PRKCB: variants seen among roughly 807,000 people sequenced by gnomAD.
PRKCB encodes the protein protein kinase C beta.
Under a neutral mutation model 81.5 loss-of-function variants are expected in PRKCB, and 13 were observed. That is an observed-to-expected ratio of 0.16 (90% CI 0.10 to 0.25). PRKCB has a LOEUF of 0.25. Among genes scored for constraint, PRKCB ranks in the 10% least tolerant of loss-of-function variants. The probability of loss-of-function intolerance (pLI) is 1.00; values close to 1 mark genes in which losing one functional copy is unlikely to be tolerated. For synonymous variants in PRKCB, 335 were observed against 321.4 expected (o/e 1.04, Z -0.45); for missense variants, 509 against 875.7 (o/e 0.58, Z 5.29).
rs114385218 is a variant in PRKCB, at chr16:23,955,718, G to A, written c.206-32790G>A. ...CCACCATGGGCGAGACCTTGGATGT[G>A]TCCTTTACCTCTCTCTTTGTCACTT... On this transcript the variant is annotated intron_variant, in intron 2 of 16. Coordinates refer to ENST00000643927, the MANE Select transcript of PRKCB (RefSeq NM_002738.7). Among the ~76,000 whole-genome samples the A allele has an allele frequency of 4.9e-3, 744 of 152,278 alleles. 12 individuals carry two copies. The highest frequency in any genetic ancestry group is 0.017 in the African/African-American group (687 of 41,560).
rs767317369 is a variant in PRKCB at position 24,185,598 on chromosome 16, A to G, written c.1722+31A>G. On this transcript the variant is annotated intron_variant, in intron 15 of 16. Transcript: ENST00000643927. Reference sequence around the variant, plus strand: ...TGCATCTCTTAAAGCTGTGACCAGGACCACCACATAAAGGCATGTGGGCTG... The same window carrying G: ...TGCATCTCTTAAAGCTGTGACCAGGGCCACCACATAAAGGCATGTGGGCTG... 1.9e-6 allele frequency: 3 copies of G among 1,571,728 alleles called. No individual in the cohort carries two copies. In the South Asian group the frequency reaches 3.3e-5, roughly 17 times the overall value.
chr16:24,093,825 T>G (rs141309921), intron 6 of PRKCB, among the ~76,000 whole-genome samples: 1 of 152,208 alleles, frequency 6.6e-6, no homozygotes, highest in Non-Finnish European at 1.5e-5. Flanking sequence ...GATATACACA[T>G]GTACACACCC....
chr16:23,945,143 G>T (rs994412682), intron 2 of PRKCB, among the ~76,000 whole-genome samples: 1 of 152,128 alleles, frequency 6.6e-6, no homozygotes, highest in African/African-American at 2.4e-5. Flanking sequence ...ACGGGACAGT[G>T]GTTCTTTCAT....
rs565153762 is a variant in PRKCB, at chr16:24,062,105, G to T, written c.529+26558G>T. On this transcript the variant is annotated intron_variant, in intron 5 of 16. Coordinates refer to ENST00000643927, the MANE Select transcript of PRKCB (RefSeq NM_002738.7). Reference sequence around the variant, plus strand: ...CGTTTCCAGTATCTCATTACTAATTGTATCAGTAAGCATTTGCTGTGTAAC... The same window carrying T: ...CGTTTCCAGTATCTCATTACTAATTTTATCAGTAAGCATTTGCTGTGTAAC... 3.9e-5 allele frequency among the ~76,000 whole-genome samples: 6 copies of T among 152,288 alleles called. No individual in the cohort carries two copies. In the South Asian group the frequency reaches 6.2e-4, roughly 16 times the overall value.
intron 5 of PRKCB, among the ~76,000 whole-genome samples, chr16:24,052,874 C>G (rs1378948096): frequency 2.0e-5 from 3 of 152,178 alleles, no homozygotes; most frequent in Non-Finnish European, 4.4e-5. Context: ...CCCTTAACCT[C>G]CTGAGAATGC....
At chr16:24,195,893 C>T (rs1967870429) in intron 16 of PRKCB, among the ~76,000 whole-genome samples, 1 of 152,196 alleles carries the variant, frequency 6.6e-6, no homozygotes, top group African/African-American at 2.4e-5. Context: ...ACATGCAGTG[C>T]CTTGTTTTCC....
intron 2 of PRKCB, among the ~76,000 whole-genome samples, chr16:23,872,611 C>G (rs747816581): frequency 2.6e-5 from 4 of 152,160 alleles, no homozygotes; most frequent in Non-Finnish European, 5.9e-5. Flanking sequence ...CTGCCACTTC[C>G]TAGTTGGGTC....
intron 5 of PRKCB, among the ~76,000 whole-genome samples, chr16:24,052,622 T>C (rs1256525489): frequency 6.6e-6 from 1 of 152,160 alleles, no homozygotes; most frequent in African/African-American, 2.4e-5. Context: ...CCATGTAGGG[T>C]AACTTCCTGA....
At chr16:24,103,114 C>G (rs1966529666) in intron 7 of PRKCB, among the ~76,000 whole-genome samples, 1 of 152,200 alleles carries the variant, frequency 6.6e-6, no homozygotes, top group Admixed American at 6.5e-5. Context: ...CTCAGGTCAT[C>G]CTCTCACTTC....
At position 24,218,042 on chromosome 16, in the gene PRKCB, A is replaced by C; in HGVS notation, c.*3226A>C. 1.0e-6 allele frequency: 1 copy of C among 985,390 alleles called. No homozygotes were observed. Among genetic ancestry groups the C allele is most frequent in the Non-Finnish European group, 1.2e-6 (1 of 829,890 alleles). The allele number at this position is 985,390 out of a possible 1,614,324, so 61.0% of individuals were successfully genotyped here. On this transcript the variant is annotated 3_prime_UTR_variant, in exon 17 of 17. Transcript: ENST00000643927. ...GTCTTCCTTCATTCCACAAATAATTACAAACAACCTACTGTGTGCCAGGCA... is the reference window on the plus strand; with the variant it reads ...GTCTTCCTTCATTCCACAAATAATTCCAAACAACCTACTGTGTGCCAGGCA...
Position 24,218,972 on chromosome 16 carries a change from G to T in PRKCB, c.*4156G>T, listed in dbSNP as rs1259804536. 2.0e-6 allele frequency: 2 copies of T among 985,268 alleles called. No individual in the cohort carries two copies. The highest frequency in any genetic ancestry group is 2.4e-6 in the Non-Finnish European group (2 of 829,984). 61.0% of individuals were successfully genotyped at this position (985,268 alleles called of 1,614,324 possible). A position where few individuals can be genotyped will look rare whatever the true frequency, so the allele number is the denominator to read the frequency against. On this transcript the variant is annotated 3_prime_UTR_variant, in exon 17 of 17. Transcript: ENST00000643927. Reference sequence around the variant, plus strand: ...AGCCACCCTGCCTGCTTGTGCCTCGGTTCTCTCATATGTCATATATAGGAG... The same window carrying T: ...AGCCACCCTGCCTGCTTGTGCCTCGTTTCTCTCATATGTCATATATAGGAG...
intron 2 of PRKCB, among the ~76,000 whole-genome samples, chr16:23,953,322 C>G (rs1964308326): frequency 6.6e-6 from 1 of 152,180 alleles, no homozygotes; most frequent in African/African-American, 2.4e-5. Flanking sequence ...TCAACAATTT[C>G]CAGCTTCTCT....
chr16:24,155,472 T>TGAA (rs1228312624), intron 10 of PRKCB, among the ~76,000 whole-genome samples: 8 of 152,194 alleles, frequency 5.3e-5, no homozygotes, highest in African/African-American at 1.9e-4. Flanking sequence ...CTCTTACCTT[T>TGAA]CCCTGTTCAA....
At chr16:24,078,527 G>C (rs981928821) in intron 5 of PRKCB, among the ~76,000 whole-genome samples, 5 of 152,184 alleles carry the variant, frequency 3.3e-5, no homozygotes, top group Admixed American at 1.3e-4. Flanking sequence ...AGATGTTTAT[G>C]GGGGGCAGGT....
intron 2 of PRKCB, among the ~76,000 whole-genome samples, chr16:23,848,575 T>C (rs907013068): frequency 5.3e-5 from 8 of 152,188 alleles, no homozygotes; most frequent in Non-Finnish European, 8.8e-5. Flanking sequence ...GAAATGAATT[T>C]TCCTCTGAAA....
At chr16:23,887,853 A>G (rs1320479639) in intron 2 of PRKCB, among the ~76,000 whole-genome samples, 3 of 152,258 alleles carry the variant, frequency 2.0e-5, no homozygotes, top group Middle Eastern at 6.8e-3. Flanking sequence ...AATCTCACCA[A>G]GGCACTGCAT....
chr16:23,988,466 T>G, intron 2 of PRKCB, 42 bp from the exon 3 acceptor site: 1 of 1,545,876 alleles, frequency 6.5e-7, no homozygotes. Context: ...CCTCTCCGCT[T>G]TCCTTCTTCC....
At chr16:23,889,660 C>A (rs1457150999) in intron 2 of PRKCB, among the ~76,000 whole-genome samples, 1 of 152,192 alleles carries the variant, frequency 6.6e-6, no homozygotes, top group African/African-American at 2.4e-5. Context: ...CATGTAATTG[C>A]TGGTTCTAGA....
chr16:23,865,563 GTGTGTGTA>G (rs1174702523), intron 2 of PRKCB, among the ~76,000 whole-genome samples: 2,318 of 10,218 alleles, frequency 0.23, 427 homozygotes, highest in African/African-American at 0.36. Flanking sequence ...GTGTGTGTGT[GTGTGTGTA>G]TATGTATATT....
Sources: gnomAD v4.1 joint callset for allele counts (sites outside exome capture counted in the v4.1 genomes callset) on GRCh38, gnomAD v4.1.1 for gene constraint, MANE v1.5 for transcripts, NCBI Gene and HGNC (gene_info 2026-07-23, HGNC 2026-07-21) for gene names.